The following UNC13C variants were observed in gnomAD, a reference collection of about 807,000 sequenced individuals.
The protein encoded by UNC13C is unc-13 homolog C.
A neutral mutation model predicts 245.4 loss-of-function variants in UNC13C; 174 were observed. The observed-to-expected ratio is 0.71, with a 90% CI of 0.63 to 0.80. The LOEUF is 0.80. UNC13C is among the 30% of genes least tolerant of loss of function. UNC13C has a pLI of 0.00. For synonymous variants in UNC13C, 992 were observed against 895.1 expected (o/e 1.11, Z -1.93); for missense variants, 2,829 against 2,602.9 (o/e 1.09, Z -1.89).
At chr15:54,282,813 G>A (rs553288752) in intron 10 of UNC13C, among the ~76,000 whole-genome samples, 9 of 152,278 alleles carry the variant, frequency 5.9e-5, no homozygotes, top group East Asian at 1.9e-4. Context: ...AGCTCTCAGC[G>A]GAGAGGGGAG....
At chr15:54,592,094 T>C (rs760594760) in intron 30 of UNC13C, among the ~76,000 whole-genome samples, 2 of 152,178 alleles carry the variant, frequency 1.3e-5, no homozygotes, top group Admixed American at 6.5e-5. Flanking sequence ...TTTCCATGTA[T>C]TTGTGTGGTT....
At chr15:54,173,890 GT>G (rs971016583) in intron 4 of UNC13C, among the ~76,000 whole-genome samples, 30 of 151,944 alleles carry the variant, frequency 2.0e-4, no homozygotes, top group Admixed American at 3.3e-4. Context: ...CTACCTAACA[GT>G]TTTTTTTAAT....
At chr15:53,950,929 T>C in the UNC13C span, among the ~76,000 whole-genome samples, 1 of 152,202 alleles carries the variant, frequency 6.6e-6, no homozygotes, top group Non-Finnish European at 1.5e-5. Context: ...AGTTATTATA[T>C]ATTACAAAGC....
the UNC13C span, among the ~76,000 whole-genome samples, chr15:53,877,114 G>A: frequency 8.5e-5 from 13 of 152,194 alleles, no homozygotes; most frequent in Admixed American, 6.5e-4. Flanking sequence ...AGTGGTTTCT[G>A]TCAGTAATAT....
intron 19 of UNC13C, among the ~76,000 whole-genome samples, chr15:54,450,492 CGCT>C (rs1430049353): frequency 6.6e-6 from 1 of 152,216 alleles, no homozygotes; most frequent in African/African-American, 2.4e-5. Context: ...TCTCCAGCCT[CGCT>C]GCTGCCTTGC....
At chr15:54,207,761 C>T (rs890077885) in intron 4 of UNC13C, among the ~76,000 whole-genome samples, 1 of 152,078 alleles carries the variant, frequency 6.6e-6, no homozygotes, top group African/African-American at 2.4e-5. Context: ...ATATCATTCA[C>T]TACTGTAGTG....
intron 2 of UNC13C, among the ~76,000 whole-genome samples, chr15:54,047,707 G>C (rs1029028079): frequency 3.9e-5 from 6 of 152,030 alleles, no homozygotes; most frequent in Non-Finnish European, 7.4e-5. Flanking sequence ...TGTGAACTTT[G>C]GCTTATAAGT....
Position 54,283,708 on chromosome 15 carries a change from ATATG to A in UNC13C, c.3819-10185_3819-10182del, listed in dbSNP as rs758352197. 1.1e-3 allele frequency among the ~76,000 whole-genome samples: 74 copies of A among 68,780 alleles called. No individual in the cohort carries two copies. The Middle Eastern group carries it at 0.043, about 40-fold the overall frequency. The allele number at this position is 68,780 out of a possible 152,430, so 45.1% of individuals were successfully genotyped here. A position where few individuals can be genotyped will look rare whatever the true frequency, so the allele number is the denominator to read the frequency against. ...ATGTGATATATATGTGTGTATATATATATGTGTGTGTGTGTGTGTGTGTGTGTGT... is the reference window on the plus strand; with the variant it reads ...ATGTGATATATATGTGTGTATATATATGTGTGTGTGTGTGTGTGTGTGTGT... On this transcript the variant is annotated intron_variant, in intron 10 of 32. Transcript: ENST00000260323.
intron 4 of UNC13C, among the ~76,000 whole-genome samples, chr15:54,199,230 C>T (rs2034448872): frequency 6.6e-6 from 1 of 151,972 alleles, no homozygotes; most frequent in Admixed American, 6.6e-5. Flanking sequence ...TTGGTGTTTC[C>T]ACAGAAAAAG....
At chr15:54,143,819 G>A in intron 4 of UNC13C, 135 bp downstream of exon 4, 1 of 578,610 alleles carries the variant, frequency 1.7e-6, no homozygotes, top group East Asian at 2.9e-5. Context: ...CAATAAAGTT[G>A]ACATTATAGT....
chr15:54,340,673 G>A (rs141161595), intron 17 of UNC13C, among the ~76,000 whole-genome samples: 1 of 152,274 alleles, frequency 6.6e-6, no homozygotes, highest in Non-Finnish European at 1.5e-5. Context: ...GTACCATGCT[G>A]TTTTGGTGAC....
chr15:54,483,123 G>C (rs764927327), intron 19 of UNC13C, among the ~76,000 whole-genome samples: 2 of 152,122 alleles, frequency 1.3e-5, no homozygotes, highest in Non-Finnish European at 2.9e-5. Context: ...TATTCTCTAA[G>C]TGTCTTTTCT....
the UNC13C span, among the ~76,000 whole-genome samples, chr15:53,873,530 C>G: frequency 6.6e-6 from 1 of 152,142 alleles, no homozygotes; most frequent in Non-Finnish European, 1.5e-5. Flanking sequence ...TCCCTCCCCT[C>G]TTTTGGATTT....
chr15:54,292,538 T>G (rs978702193), intron 10 of UNC13C, among the ~76,000 whole-genome samples: 3 of 151,970 alleles, frequency 2.0e-5, no homozygotes, highest in Non-Finnish European at 2.9e-5. Flanking sequence ...TTATTTTGCC[T>G]TATAAGTTAA....
At chr15:53,970,632 G>A in the UNC13C span, among the ~76,000 whole-genome samples, 1 of 152,054 alleles carries the variant, frequency 6.6e-6, no homozygotes, top group Non-Finnish European at 1.5e-5. Flanking sequence ...TGAACGATGA[G>A]AACAGATGGA....
At chr15:54,510,516 CT>C (rs1596493912) in intron 23 of UNC13C, among the ~76,000 whole-genome samples, 2 of 142,610 alleles carry the variant, frequency 1.4e-5, no homozygotes, top group Admixed American at 1.3e-4. Flanking sequence ...GGGGATACAT[CT>C]CAGATATCTG....
chr15:54,158,576 C>T (rs2141262771), intron 4 of UNC13C, among the ~76,000 whole-genome samples: 1 of 152,292 alleles, frequency 6.6e-6, no homozygotes, highest in Admixed American at 6.5e-5. Flanking sequence ...GCCTCAGCCT[C>T]CCAAAGTACT....
the UNC13C span, among the ~76,000 whole-genome samples, chr15:53,960,534 T>C: frequency 6.6e-6 from 1 of 152,212 alleles, no homozygotes; most frequent in Admixed American, 6.5e-5. Context: ...AATGTACATA[T>C]GAATTATGAC....
intron 2 of UNC13C, among the ~76,000 whole-genome samples, chr15:54,127,727 AAT>A (rs2031145701): frequency 7.3e-6 from 1 of 137,164 alleles, no homozygotes; most frequent in Admixed American, 7.7e-5. Context: ...ATATATATAA[AAT>A]ATATATTAAA....
Sources: gnomAD v4.1 joint callset for allele counts (sites outside exome capture counted in the v4.1 genomes callset) on GRCh38, gnomAD v4.1.1 for gene constraint, MANE v1.5 for transcripts, NCBI Gene and HGNC (gene_info 2026-07-23, HGNC 2026-07-21) for gene names.